CASK: variants seen among roughly 807,000 people sequenced by gnomAD.
CASK encodes peripheral plasma membrane protein CASK.
Under a neutral mutation model 82.9 loss-of-function variants are expected in CASK, and 4 were observed. The ratio of observed to expected loss-of-function variants is 0.05; its 90% CI spans 0.02 to 0.11. The LOEUF is 0.11. CASK is among the 10% of genes least tolerant of loss of function. The pLI, the probability that CASK is intolerant of heterozygous loss-of-function variation, is 1.00. For missense variants in CASK, 358 were observed against 720.9 expected (o/e 0.50, Z 5.76); for synonymous variants, 259 against 253.5 (o/e 1.02, Z -0.20).
At chrX:41,627,653 T>C (rs1019512128) in intron 9 of CASK, among the ~76,000 whole-genome samples, 1 of 112,043 alleles carries the variant, frequency 8.9e-6, no homozygotes, top group Admixed American at 9.5e-5. Flanking sequence ...GGAGAACATG[T>C]GGTATTTGGG....
At chrX:41,847,148 T>G (rs1426732829) in intron 2 of CASK, among the ~76,000 whole-genome samples, 1 of 111,906 alleles carries the variant, frequency 8.9e-6, no homozygotes, top group Non-Finnish European at 1.9e-5. Context: ...ATTTATGTTT[T>G]CATCAAATTT....
chrX:41,585,211 C>T (rs770507494), intron 14 of CASK: 1 of 112,971 alleles, frequency 8.9e-6, no homozygotes, highest in South Asian at 3.6e-4. Context: ...TGTGTTTATA[C>T]ACCTAGGTTG....
intron 6 of CASK, among the ~76,000 whole-genome samples, chrX:41,668,458 G>T (rs1470915423): frequency 8.9e-6 from 1 of 111,880 alleles, no homozygotes; most frequent in African/African-American, 3.2e-5. Context: ...GTCTTTAGAT[G>T]CTCAATTGTG....
At chrX:41,845,822 T>C (rs984234591) in intron 2 of CASK, among the ~76,000 whole-genome samples, 39 of 112,074 alleles carry the variant, frequency 3.5e-4, no homozygotes, top group African/African-American at 1.3e-3. Context: ...TTGTGTTAAA[T>C]AGATATTTTA....
At chrX:41,676,534 C>A in intron 5 of CASK, 1 of 1,126,719 alleles carries the variant, frequency 8.9e-7, no homozygotes, top group Non-Finnish European at 1.2e-6. Context: ...CGCGCCGGCA[C>A]GCGGCCTCGC....
intron 1 of CASK, among the ~76,000 whole-genome samples, chrX:41,854,234 A>ACACACACT (rs2071330433): frequency 4.7e-5 from 5 of 105,988 alleles, no homozygotes; most frequent in Middle Eastern, 4.9e-3. Context: ...GCACACACAC[A>ACACACACT]CACACACACA....
chrX:41,545,501 T>C (rs2065010076), intron 21 of CASK, among the ~76,000 whole-genome samples: 1 of 112,452 alleles, frequency 8.9e-6, no homozygotes, highest in Admixed American at 9.4e-5. Context: ...TCAGGTTCTC[T>C]ATTCCTTTCT....
intron 2 of CASK, among the ~76,000 whole-genome samples, chrX:41,806,310 T>A (rs2070124670): frequency 8.9e-6 from 1 of 112,081 alleles, no homozygotes; most frequent in Non-Finnish European, 1.9e-5. Flanking sequence ...GTATTTTAAA[T>A]GTTGGGACGT....
intron 5 of CASK, among the ~76,000 whole-genome samples, chrX:41,692,669 GTTC>G (rs1236447180): frequency 1.8e-5 from 2 of 112,126 alleles, no homozygotes; most frequent in African/African-American, 6.5e-5. Flanking sequence ...CATGATTTGA[GTTC>G]TTCTCTCCAT....
chrX:41,879,333 T>C (rs774393610), intron 1 of CASK, among the ~76,000 whole-genome samples: 16 of 111,723 alleles, frequency 1.4e-4, no homozygotes, highest in Non-Finnish European at 2.3e-4. Flanking sequence ...CCATATATAC[T>C]ATGATTTTTC....
In CASK at chrX:41,555,453, G is replaced by A; in HGVS notation, c.1842+147C>T. On this transcript the variant is annotated intron_variant, in intron 20 of 26. Coordinates refer to ENST00000378163, the MANE Select transcript of CASK (RefSeq NM_001367721.1). ...ATTCTTTATAGAGAATTAGTCATGT[G>A]TAATGTGTTAAAATGAAATGGTACA... The A allele has an allele frequency of 6.2e-6, 3 of 480,351 alleles. No individual in the cohort carries two copies. In the South Asian group the frequency reaches 9.2e-5, roughly 15 times the overall value. 39.6% of individuals were successfully genotyped at this position (480,351 alleles called of 1,213,427 possible). A position where few individuals can be genotyped will look rare whatever the true frequency, so the allele number is the denominator to read the frequency against.
intron 8 of CASK, among the ~76,000 whole-genome samples, chrX:41,650,883 T>C (rs182674294): frequency 3.6e-5 from 4 of 112,103 alleles, no homozygotes; most frequent in Admixed American, 9.5e-5. Flanking sequence ...AAATATAACA[T>C]AAGCCTGCTC....
At chrX:41,654,267 A>G (rs1366673426) in intron 8 of CASK, among the ~76,000 whole-genome samples, 1 of 111,936 alleles carries the variant, frequency 8.9e-6, no homozygotes, top group Non-Finnish European at 1.9e-5. Flanking sequence ...TTATTAATAA[A>G]TAAGGTGAAT....
intron 2 of CASK, among the ~76,000 whole-genome samples, chrX:41,829,721 A>G (rs1449591923): frequency 3.4e-4 from 8 of 23,714 alleles, no homozygotes; most frequent in African/African-American, 2.0e-3. Flanking sequence ...ATATATATAT[A>G]TATATATATA....
chrX:41,843,592 T>G (rs1264020576), intron 2 of CASK, among the ~76,000 whole-genome samples: 1 of 111,858 alleles, frequency 8.9e-6, no homozygotes, highest in Non-Finnish European at 1.9e-5. Flanking sequence ...TTTAATGGAT[T>G]TTAGTATATT....
At chrX:41,807,913 T>C (rs1236836694) in intron 2 of CASK, among the ~76,000 whole-genome samples, 4 of 111,847 alleles carry the variant, frequency 3.6e-5, no homozygotes, top group Non-Finnish European at 5.6e-5. Context: ...TGGAGTGCAG[T>C]GGCATGATCT....
intron 11 of CASK, among the ~76,000 whole-genome samples, chrX:41,611,747 G>C (rs1014648722): frequency 9.7e-6 from 1 of 103,085 alleles, no homozygotes; most frequent in South Asian, 4.7e-4. Context: ...CTCTGATGCC[G>C]AGCCGAAGCT....
At chrX:41,734,627 T>C (rs1000831587) in intron 5 of CASK, among the ~76,000 whole-genome samples, 2 of 112,056 alleles carry the variant, frequency 1.8e-5, no homozygotes, top group Non-Finnish European at 3.8e-5. Flanking sequence ...ATTATAACAG[T>C]CTATTATGAC....
intron 24 of CASK, among the ~76,000 whole-genome samples, chrX:41,534,165 C>T (rs774388573): frequency 8.1e-4 from 90 of 111,010 alleles, no homozygotes; most frequent in Non-Finnish European, 1.4e-3. Context: ...AAAAATCTTA[C>T]AGATTTGAAA....
Sources: gnomAD v4.1 joint callset for allele counts (sites outside exome capture counted in the v4.1 genomes callset) on GRCh38, gnomAD v4.1.1 for gene constraint, MANE v1.5 for transcripts, NCBI Gene and HGNC (gene_info 2026-07-23, HGNC 2026-07-21) for gene names.